The following MYT1L variants were observed in gnomAD, a reference collection of about 807,000 sequenced individuals.
MYT1L encodes the protein myelin transcription factor 1-like protein.
In MYT1L, 12 loss-of-function variants were observed where a neutral mutation model predicts 126.7. The ratio of observed to expected loss-of-function variants is 0.09; its 90% CI spans 0.06 to 0.15. MYT1L has a LOEUF of 0.15. Ranked by LOEUF, MYT1L falls within the 10% of genes least tolerant of loss-of-function variation. The pLI is 1.00. For missense variants in MYT1L, 979 were observed against 1,585.2 expected, an observed-to-expected ratio of 0.62 and a Z score of 6.49; for synonymous variants, 541 against 604.2, an observed-to-expected ratio of 0.90 and a Z score of 1.53.
In MYT1L at chr2:2,330,710, T is replaced by C. The variant is rs574613133; in HGVS notation, c.-521+257A>G. Among the ~76,000 whole-genome samples the C allele has an allele frequency of 5.9e-5, 9 of 152,356 alleles. No homozygotes were observed. The South Asian group carries it at 1.9e-3, about 32-fold the overall frequency. On this transcript the variant is annotated intron_variant, in intron 1 of 24. Transcript: ENST00000647738. ...CAAACACCATACATGCACCCCGTTT[T>C]GTTTTTGTTTCTTTTTTTCTTAATA...
At chr2:1,944,211 C>T (rs757225277) in intron 8 of MYT1L, among the ~76,000 whole-genome samples, 2 of 152,022 alleles carry the variant, frequency 1.3e-5, no homozygotes, top group Non-Finnish European at 1.5e-5. Context: ...AGATATATCT[C>T]CTAATGCTAT....
chr2:2,238,809 T>G (rs2094380106), intron 2 of MYT1L, among the ~76,000 whole-genome samples: 1 of 152,250 alleles, frequency 6.6e-6, no homozygotes, highest in South Asian at 2.1e-4. Context: ...AAGCCCTCTT[T>G]GACTAAAAGC....
chr2:1,901,015 G>A (rs1237513807), intron 14 of MYT1L, among the ~76,000 whole-genome samples: 1 of 152,208 alleles, frequency 6.6e-6, no homozygotes, highest in African/African-American at 2.4e-5. Context: ...GTCAGCAGAG[G>A]ACACTCTTGC....
intron 3 of MYT1L, among the ~76,000 whole-genome samples, chr2:2,074,778 A>T (rs1200646709): frequency 6.6e-6 from 1 of 152,180 alleles, no homozygotes; most frequent in Non-Finnish European, 1.5e-5. Context: ...TCAGTTGAAG[A>T]AGAACATTAG....
chr2:1,979,368 G>C lies in MYT1L; in HGVS notation c.90-141C>G. 1 of 1,096,876 alleles carries C rather than the reference G, an allele frequency of 9.1e-7. No homozygotes were observed. Among genetic ancestry groups the C allele is most frequent in the Non-Finnish European group, 1.4e-6 (1 of 729,572 alleles). 67.9% of individuals were successfully genotyped at this position (1,096,876 alleles called of 1,614,324 possible). On this transcript the variant is annotated intron_variant, in intron 7 of 24. Coordinates refer to ENST00000647738, the MANE Select transcript of MYT1L (RefSeq NM_001303052.2). This position sits in a 1 kb window ranked among gnomAD's most constrained non-coding sequence, Gnocchi z 4.0. ...CCAAAGGAGGGGGAAATTCGGGGAG[G>C]CTTTTTACGAGCAAGTCTCGGGGGA...
intron 2 of MYT1L, among the ~76,000 whole-genome samples, chr2:2,263,542 A>G (rs1217262124): frequency 6.6e-6 from 1 of 152,138 alleles, no homozygotes; most frequent in African/African-American, 2.4e-5. Context: ...GGACTAACAG[A>G]GCATAACTGG....
At chr2:2,012,159 A>C (rs2063893029) in intron 4 of MYT1L, among the ~76,000 whole-genome samples, 1 of 152,220 alleles carries the variant, frequency 6.6e-6, no homozygotes, top group Non-Finnish European at 1.5e-5. Flanking sequence ...TGACAGCCAA[A>C]ATGGAATCTC....
chr2:2,263,776 G>A (rs1487650239), intron 2 of MYT1L, among the ~76,000 whole-genome samples: 1 of 152,134 alleles, frequency 6.6e-6, no homozygotes, highest in African/African-American at 2.4e-5. Flanking sequence ...GCTAGTTGGA[G>A]GGGCCAGTGA....
intron 18 of MYT1L, among the ~76,000 whole-genome samples, chr2:1,867,043 C>G (rs2045666805): frequency 1.1e-5 from 1 of 91,408 alleles, no homozygotes; most frequent in African/African-American, 4.4e-5. Context: ...GAGGGGCAGC[C>G]AGGGAGAGAG....
chr2:1,845,141 G>A (rs2042329759), intron 19 of MYT1L, among the ~76,000 whole-genome samples: 1 of 152,082 alleles, frequency 6.6e-6, no homozygotes, highest in Non-Finnish European at 1.5e-5. Context: ...ACTACACCTG[G>A]ATAATTTTTG....
At chr2:2,316,479 T>C (rs2096066053) in intron 1 of MYT1L, among the ~76,000 whole-genome samples, 1 of 152,216 alleles carries the variant, frequency 6.6e-6, no homozygotes, top group South Asian at 2.1e-4. Flanking sequence ...ATAAAGCCAA[T>C]GGGGCTATTT....
intron 3 of MYT1L, among the ~76,000 whole-genome samples, chr2:2,146,174 T>C (rs2084848252): frequency 6.6e-6 from 1 of 152,244 alleles, no homozygotes; most frequent in Non-Finnish European, 1.5e-5. Context: ...TTTCAAATAA[T>C]GTTTACAAAA....
intron 2 of MYT1L, among the ~76,000 whole-genome samples, chr2:2,216,593 C>T (rs187042875): frequency 4.5e-4 from 69 of 152,110 alleles, no homozygotes; most frequent in African/African-American, 1.4e-3. Context: ...CTTCAGCTTC[C>T]GCCTTAAGCA....
chr2:2,012,887 G>A (rs950259650), intron 4 of MYT1L, among the ~76,000 whole-genome samples: 1 of 152,144 alleles, frequency 6.6e-6, no homozygotes, highest in African/African-American at 2.4e-5. Flanking sequence ...CACCGAGGCC[G>A]GCTTGTTGTT....
chr2:2,019,945 A>C (rs905532303), intron 4 of MYT1L, among the ~76,000 whole-genome samples: 1 of 152,158 alleles, frequency 6.6e-6, no homozygotes, highest in Non-Finnish European at 1.5e-5. Context: ...CCTGGGCTCA[A>C]GGGATCCTCC....
intron 2 of MYT1L, among the ~76,000 whole-genome samples, chr2:2,227,768 C>A (rs1021177595): frequency 3.3e-5 from 5 of 152,116 alleles, no homozygotes; most frequent in African/African-American, 4.8e-5. Context: ...AGTTAAAACC[C>A]CTGCATCATG....
intron 2 of MYT1L, among the ~76,000 whole-genome samples, chr2:2,177,117 G>A (rs900561967): frequency 1.1e-4 from 16 of 152,216 alleles, no homozygotes; most frequent in Admixed American, 7.9e-4. Context: ...TAGCGGGGAC[G>A]ATGTCGTCAA....
At chr2:1,919,777 G>A (rs1296975834) in intron 10 of MYT1L, among the ~76,000 whole-genome samples, 1 of 152,094 alleles carries the variant, frequency 6.6e-6, no homozygotes, top group Non-Finnish European at 1.5e-5. Flanking sequence ...CCCCCAGGCT[G>A]GAGTTCAGTG....
intron 4 of MYT1L, among the ~76,000 whole-genome samples, chr2:2,004,274 C>CGTTCTTTCCTGCAGGT (rs1558697900): frequency 7.1e-6 from 1 of 140,426 alleles, no homozygotes; most frequent in African/African-American, 2.7e-5. Flanking sequence ...TTCCTGCAGG[C>CGTTCTTTCCTGCAGGT]GTTCTTTCCT....
Sources: allele counts gnomAD v4.1 joint callset (sites outside exome capture counted in the v4.1 genomes callset), GRCh38; gene constraint gnomAD v4.1.1; non-coding constraint Gnocchi (gnomAD v3.1); transcripts MANE v1.5; gene names NCBI Gene and HGNC (gene_info 2026-07-23, HGNC 2026-07-21).